SLC35F4: variants seen among roughly 807,000 people sequenced by gnomAD.
SLC35F4 encodes the protein chromosome 14 open reading frame 36.
A neutral mutation model predicts 44.2 loss-of-function variants in SLC35F4; 24 were observed. That is an observed-to-expected ratio of 0.54 (90% CI 0.39 to 0.76). SLC35F4 has a LOEUF of 0.76. Among genes scored for constraint, SLC35F4 ranks in the 30% least tolerant of loss-of-function variants. The pLI is 0.00. For synonymous variants in SLC35F4, 238 were observed against 223.6 expected (o/e 1.06, Z -0.57); for missense variants, 562 against 586.1 (o/e 0.96, Z 0.42).
At chr14:57,782,410 G>A (rs1298189810) in intron 1 of SLC35F4, among the ~76,000 whole-genome samples, 1 of 151,524 alleles carries the variant, frequency 6.6e-6, no homozygotes, top group Non-Finnish European at 1.5e-5. Context: ...TGTCATGAAT[G>A]TATAAAATAT....
intron 1 of SLC35F4, among the ~76,000 whole-genome samples, chr14:57,649,794 A>G (rs368121214): frequency 1.1e-3 from 31 of 28,160 alleles, no homozygotes; most frequent in African/African-American, 1.8e-3. Flanking sequence ...CAAATCACCA[A>G]ATCCCCCAAA....
intron 1 of SLC35F4, among the ~76,000 whole-genome samples, chr14:57,654,909 C>A (rs2073910226): frequency 6.6e-6 from 1 of 152,148 alleles, no homozygotes; most frequent in Non-Finnish European, 1.5e-5. Flanking sequence ...GTCCAGCACC[C>A]TAGCTTATTT....
intron 3 of SLC35F4, among the ~76,000 whole-genome samples, chr14:57,585,538 GA>G (rs775381997): frequency 2.0e-5 from 3 of 152,198 alleles, no homozygotes; most frequent in Non-Finnish European, 4.4e-5. Context: ...AGTAGGAAAA[GA>G]GGAAGTCAAA....
intron 1 of SLC35F4, among the ~76,000 whole-genome samples, chr14:57,953,230 G>A (rs1890173832): frequency 6.6e-6 from 1 of 152,196 alleles, no homozygotes; most frequent in Non-Finnish European, 1.5e-5. Context: ...ACAAGCAAAT[G>A]CTAAGAGATT....
rs372439218 is a variant in SLC35F4 at position 57,980,324 on chromosome 14, T to C, written n.151+1589A>G. ...CTGAGGCTAGAAACAAGGTGGGTGTTAGGATGGAGGCAAATGGGACTTCCT... is the reference window on the plus strand; with the variant it reads ...CTGAGGCTAGAAACAAGGTGGGTGTCAGGATGGAGGCAAATGGGACTTCCT... On this transcript the variant is annotated intron_variant and non_coding_transcript_variant, in intron 1 of 1. Transcript: ENST00000554648. 3.3e-4 allele frequency among the ~76,000 whole-genome samples: 51 copies of C among 152,292 alleles called. No homozygotes were observed. The East Asian group carries it at 6.6e-3, about 20-fold the overall frequency.
rs374913337 is a variant in SLC35F4 at position 57,564,115 on chromosome 14, C to A, written c.*20G>T. Reference sequence around the variant, plus strand: ...TATTCACAGAATATACATACACGTGCATTCAAAATATGTCCCTCTCTAAGC... The same window carrying A: ...TATTCACAGAATATACATACACGTGAATTCAAAATATGTCCCTCTCTAAGC... On this transcript the variant is annotated 3_prime_UTR_variant, in exon 8 of 8. Coordinates refer to ENST00000556826, the MANE Select transcript of SLC35F4 (RefSeq NM_001306087.2). The A allele has an allele frequency of 1.9e-6, 3 of 1,612,460 alleles. No individual in the cohort carries two copies. The African/African-American group carries it at 4.0e-5, about 22-fold the overall frequency.
At chr14:57,781,095 C>T (rs556878333) in intron 1 of SLC35F4, among the ~76,000 whole-genome samples, 3 of 152,218 alleles carry the variant, frequency 2.0e-5, no homozygotes, top group Admixed American at 6.5e-5. Context: ...AGAGCTTCTG[C>T]ACAGCAAAAC....
chr14:57,584,981 G>A (rs1461495443), intron 3 of SLC35F4, among the ~76,000 whole-genome samples: 1 of 152,146 alleles, frequency 6.6e-6, no homozygotes, highest in Non-Finnish European at 1.5e-5. Flanking sequence ...ATTTTACAAT[G>A]CAAGATCATG....
intron 1 of SLC35F4, among the ~76,000 whole-genome samples, chr14:57,712,093 G>T (rs1376501855): frequency 6.6e-6 from 1 of 152,166 alleles, no homozygotes; most frequent in African/African-American, 2.4e-5. Context: ...ACATTGAAAG[G>T]TTGCAGCTCT....
At chr14:57,833,069 G>T (rs1450265536) in intron 1 of SLC35F4, among the ~76,000 whole-genome samples, 2 of 152,176 alleles carry the variant, frequency 1.3e-5, no homozygotes, top group Non-Finnish European at 2.9e-5. Flanking sequence ...AATCACATAT[G>T]CATAAAGAAC....
intron 1 of SLC35F4, among the ~76,000 whole-genome samples, chr14:57,878,232 G>T (rs912236316): frequency 2.6e-5 from 4 of 152,070 alleles, no homozygotes; most frequent in African/African-American, 9.7e-5. Flanking sequence ...TGCATAGTTT[G>T]CAAGTATTTT....
At chr14:57,683,543 T>C (rs17093545) in intron 1 of SLC35F4, among the ~76,000 whole-genome samples, 38,975 of 152,054 alleles carry the variant, frequency 0.26, 5,099 homozygotes, top group African/African-American at 0.32. Context: ...GCTGGGTATA[T>C]ACCAGGTTGC....
intron 4 of SLC35F4, among the ~76,000 whole-genome samples, chr14:57,577,542 C>T (rs2068880151): frequency 6.6e-6 from 1 of 151,956 alleles, no homozygotes; most frequent in South Asian, 2.1e-4. Context: ...AAGAGAGGGA[C>T]AAAATCTGAA....
intron 1 of SLC35F4, among the ~76,000 whole-genome samples, chr14:57,683,586 C>T (rs1014308874): frequency 6.6e-6 from 1 of 152,154 alleles, no homozygotes; most frequent in African/African-American, 2.4e-5. Context: ...GTTGAAATCA[C>T]AGACATCTCC....
chr14:57,709,714 T>A (rs763565161), intron 1 of SLC35F4, among the ~76,000 whole-genome samples: 1 of 152,138 alleles, frequency 6.6e-6, no homozygotes, highest in Non-Finnish European at 1.5e-5. Context: ...AAAGAGATGA[T>A]TAGATTTCTA....
intron 1 of SLC35F4, among the ~76,000 whole-genome samples, chr14:57,842,730 C>T (rs1799851197): frequency 6.6e-6 from 1 of 152,116 alleles, no homozygotes; most frequent in African/African-American, 2.4e-5. Context: ...CCCTGCTCAC[C>T]TGTGATGGTT....
chr14:57,894,169 T>C (rs1295801888), intron 1 of SLC35F4, among the ~76,000 whole-genome samples: 2 of 152,090 alleles, frequency 1.3e-5, no homozygotes, highest in Non-Finnish European at 2.9e-5. Context: ...TTAGCATTAG[T>C]GTACAGGTTT....
chr14:57,656,096 G>T lies in SLC35F4; in HGVS notation c.104-61972C>A, dbSNP rs143997429. 8.1e-4 allele frequency among the ~76,000 whole-genome samples: 123 copies of T among 152,060 alleles called. 1 individual carries two copies. The highest frequency in any genetic ancestry group is 2.7e-3 in the African/African-American group (110 of 41,478). ...AGCAAATGCTGCACATCCCAGCACA[G>T]ACTGCCCTCGGCTCTGCTCCATCTC... is the stretch of plus-strand genomic sequence containing the variant. On this transcript the variant is annotated intron_variant, in intron 1 of 7. Coordinates refer to ENST00000556826, the MANE Select transcript of SLC35F4 (RefSeq NM_001306087.2).
chr14:57,982,842 C>A (rs1166844705), upstream of SLC35F4, among the ~76,000 whole-genome samples: 2 of 152,088 alleles, frequency 1.3e-5, no homozygotes, highest in Non-Finnish European at 2.9e-5. Flanking sequence ...CATTGAGTAC[C>A]ACCCCAAAAT....
Sources: gnomAD v4.1 joint callset for allele counts (sites outside exome capture counted in the v4.1 genomes callset) on GRCh38, gnomAD v4.1.1 for gene constraint, MANE v1.5 for transcripts, NCBI Gene and HGNC (gene_info 2026-07-23, HGNC 2026-07-21) for gene names.